The following FAM117B variants were observed in gnomAD, a reference collection of about 807,000 sequenced individuals.
FAM117B encodes family with sequence similarity 117 member B.
Under a neutral mutation model 52.8 loss-of-function variants are expected in FAM117B, and 22 were observed. That is an observed-to-expected ratio of 0.42 (90% CI 0.30 to 0.59). The LOEUF (loss-of-function observed/expected upper bound fraction) is 0.59. FAM117B is among the 20% of genes least tolerant of loss of function. FAM117B has a pLI of 0.22. For synonymous variants in FAM117B, 309 were observed against 324.1 expected (o/e 0.95, Z 0.50); for missense variants, 678 against 802.6 (o/e 0.84, Z 1.88).
chr2:202,742,676 A>G (rs568551639), intron 4 of FAM117B, among the ~76,000 whole-genome samples: 36 of 152,348 alleles, frequency 2.4e-4, no homozygotes, highest in African/African-American at 7.0e-4. Context: ...GTTTAATTAT[A>G]TAAACATTTT....
At chr2:202,671,217 G>A (rs953331912) in intron 1 of FAM117B, among the ~76,000 whole-genome samples, 2 of 152,224 alleles carry the variant, frequency 1.3e-5, no homozygotes, top group Admixed American at 6.5e-5. Context: ...AAGACCCTGA[G>A]ACAAGGATTT....
chr2:202,673,896 G>A (rs575896524), intron 1 of FAM117B, among the ~76,000 whole-genome samples: 3 of 152,254 alleles, frequency 2.0e-5, no homozygotes, highest in South Asian at 4.2e-4. Context: ...GCTCTTGAAC[G>A]AGGTTACAGT....
intron 7 of FAM117B, among the ~76,000 whole-genome samples, chr2:202,760,220 G>A (rs1165865724): frequency 6.6e-6 from 1 of 152,188 alleles, no homozygotes; most frequent in African/African-American, 2.4e-5. Context: ...TTTGCAGAAT[G>A]TCTTCTGTGG....
intron 1 of FAM117B, among the ~76,000 whole-genome samples, chr2:202,646,885 C>T (rs1173352948): frequency 2.0e-5 from 3 of 151,964 alleles, no homozygotes; most frequent in Non-Finnish European, 4.4e-5. Context: ...TTTTAGTATA[C>T]AAGATGCTAA....
intron 4 of FAM117B, among the ~76,000 whole-genome samples, chr2:202,745,180 T>C (rs1338388874): frequency 1.3e-5 from 2 of 151,558 alleles, no homozygotes; most frequent in East Asian, 3.9e-4. Flanking sequence ...CTCAGGTGGC[T>C]GAGGCATGAG....
intron 2 of FAM117B, among the ~76,000 whole-genome samples, chr2:202,723,855 TA>T (rs1691189525): frequency 6.6e-6 from 1 of 152,112 alleles, no homozygotes; most frequent in African/African-American, 2.4e-5. Context: ...TATCCCCCCA[TA>T]AAGGCTGTAT....
intron 2 of FAM117B, among the ~76,000 whole-genome samples, chr2:202,723,094 AG>A (rs1401099200): frequency 6.6e-6 from 1 of 152,178 alleles, no homozygotes; most frequent in African/African-American, 2.4e-5. Context: ...AATAGGGCAT[AG>A]AGTGGTGGGA....
chr2:202,702,227 T>C (rs116107708), intron 2 of FAM117B, among the ~76,000 whole-genome samples: 16,179 of 151,768 alleles, frequency 0.11, 2,892 homozygotes, highest in African/African-American at 0.37. Flanking sequence ...CCCTTCTATA[T>C]TAAAAATACA....
chr2:202,713,999 G>A (rs974323483), intron 2 of FAM117B, among the ~76,000 whole-genome samples: 7 of 152,118 alleles, frequency 4.6e-5, no homozygotes, highest in South Asian at 2.1e-4. Flanking sequence ...GAGCCACTGC[G>A]CCTGGCCCTC....
chr2:202,655,720 G>C (rs138502599), intron 1 of FAM117B, among the ~76,000 whole-genome samples: 15,865 of 108,638 alleles, frequency 0.15, 847 homozygotes, highest in East Asian at 0.3. Flanking sequence ...GAGAGAGAGA[G>C]AGAGAGAGAG....
chr2:202,665,149 A>C (rs1319845403), intron 1 of FAM117B, among the ~76,000 whole-genome samples: 2 of 150,998 alleles, frequency 1.3e-5, no homozygotes, highest in Admixed American at 1.3e-4. Flanking sequence ...GGCGGCTCTC[A>C]TATCTTTTCC....
intron 2 of FAM117B, among the ~76,000 whole-genome samples, chr2:202,710,426 A>G (rs904497495): frequency 6.6e-6 from 1 of 152,022 alleles, no homozygotes; most frequent in Admixed American, 6.6e-5. Flanking sequence ...TCTTATACAC[A>G]TAGGTGTATA....
intron 7 of FAM117B, among the ~76,000 whole-genome samples, chr2:202,761,815 C>T (rs1691894518): frequency 6.6e-6 from 1 of 152,148 alleles, no homozygotes; most frequent in South Asian, 2.1e-4. Context: ...GCATGAGCCA[C>T]CGTGCCTAGT....
rs1269937106 is a variant in FAM117B at position 202,681,882 on chromosome 2, C to T, written c.602-13999C>T. 4.6e-5 allele frequency among the ~76,000 whole-genome samples: 7 copies of T among 152,300 alleles called. 1 individual carries two copies. Among genetic ancestry groups the T allele is most frequent in the African/African-American group, 7.2e-5 (3 of 41,566 alleles). On this transcript the variant is annotated intron_variant, in intron 1 of 7. Transcript: ENST00000392238. The stretch of plus-strand genomic sequence containing the variant: ...GTGAGAACTGACATCCCTGTTTGTC[C>T]GGTCAGATGTTGCCTTTTCCAAAAC...
chr2:202,716,185 C>G (rs1429210172), intron 2 of FAM117B, among the ~76,000 whole-genome samples: 1 of 152,136 alleles, frequency 6.6e-6, no homozygotes, highest in Non-Finnish European at 1.5e-5. Context: ...TCTGTGTTGT[C>G]TAAATATAGC....
chr2:202,682,973 C>T (rs1690485555), intron 1 of FAM117B, among the ~76,000 whole-genome samples: 1 of 152,104 alleles, frequency 6.6e-6, no homozygotes, highest in African/African-American at 2.4e-5. Context: ...AGAAAGAGAA[C>T]TAATTAAACC....
chr2:202,656,444 T>C lies in FAM117B; in HGVS notation c.601+20656T>C, dbSNP rs77745512. Among the ~76,000 whole-genome samples, 1,288 of 152,334 alleles carry C rather than the reference T, an allele frequency of 8.5e-3. 24 individuals are homozygous for C. Among genetic ancestry groups the C allele is most frequent in the African/African-American group, 0.029 (1,217 of 41,586 alleles). ...AGTTCCAGGTATTTTCTAGTTTTCC[T>C]TGAGGCTTGTTCTTTGACCCACAGA... is the stretch of plus-strand genomic sequence containing the variant. On this transcript the variant is annotated intron_variant, in intron 1 of 7. Coordinates refer to ENST00000392238, the MANE Select transcript of FAM117B (RefSeq NM_173511.4).
At chr2:202,678,806 C>T (rs1191630707) in intron 1 of FAM117B, among the ~76,000 whole-genome samples, 3 of 152,158 alleles carry the variant, frequency 2.0e-5, no homozygotes, top group African/African-American at 7.2e-5. Flanking sequence ...GATCTGTCCG[C>T]CTCTGCCTCC....
chr2:202,695,927 A>G lies in FAM117B; in HGVS notation c.648A>G (p.Arg216=), dbSNP rs1690703573. ...CTTCAAGCCCCTCCAGTATTATCCGACGCACTTCCTCCCTGGATACTCTTG... is the reference window on the plus strand; with the variant it reads ...CTTCAAGCCCCTCCAGTATTATCCGGCGCACTTCCTCCCTGGATACTCTTG... The part of the protein sequence containing the change: ...QPSSSPSSII[R]RTSSLDTLAA... The change falls in exon 2 of 8, where the codon CGA becomes CGG. Residue 216 remains arginine, a synonymous_variant. Transcript: ENST00000392238. 4 of 1,613,568 alleles carry G rather than the reference A, an allele frequency of 2.5e-6. No homozygotes were observed. Among genetic ancestry groups the G allele is most frequent in the African/African-American group, 1.3e-5 (1 of 75,002 alleles).
Sources: allele counts gnomAD v4.1 joint callset (sites outside exome capture counted in the v4.1 genomes callset), GRCh38; gene constraint gnomAD v4.1.1; transcripts MANE v1.5; gene names NCBI Gene and HGNC (gene_info 2026-07-23, HGNC 2026-07-21).